ITPR2: variants seen among roughly 807,000 people sequenced by gnomAD.
The protein encoded by ITPR2 is inositol 1,4,5-trisphosphate receptor type 2.
Under a neutral mutation model 317.1 loss-of-function variants are expected in ITPR2, and 207 were observed. The ratio of observed to expected loss-of-function variants is 0.65; its 90% CI spans 0.58 to 0.73. The LOEUF is 0.73. Among genes scored for constraint, ITPR2 ranks in the 30% least tolerant of loss-of-function variants. The pLI is 0.00. For synonymous variants in ITPR2, 1,156 were observed against 1,149.1 expected (o/e 1.01, Z -0.12); for missense variants, 2,613 against 3,284.0 (o/e 0.80, Z 4.99).
At chr12:26,358,708 C>T (rs184411439) in intron 55 of ITPR2, among the ~76,000 whole-genome samples, 130 of 152,172 alleles carry the variant, frequency 8.5e-4, no homozygotes, top group Non-Finnish European at 1.2e-3. Flanking sequence ...TTAATATTTT[C>T]CTGGCATAAA....
intron 43 of ITPR2, among the ~76,000 whole-genome samples, chr12:26,480,368 A>G (rs80145840): frequency 0.056 from 8,470 of 152,272 alleles, 353 homozygotes; most frequent in Non-Finnish European, 0.085. Context: ...TATTTTGGGG[A>G]AAAACTAAAT....
chr12:26,466,740 A>G (rs1011848193), intron 45 of ITPR2, among the ~76,000 whole-genome samples: 6 of 152,232 alleles, frequency 3.9e-5, no homozygotes, highest in African/African-American at 1.4e-4. Flanking sequence ...AAGTTAAGTG[A>G]TGTAAATAGC....
intron 1 of ITPR2, among the ~76,000 whole-genome samples, chr12:26,823,141 G>A (rs1440070657): frequency 6.6e-6 from 1 of 152,080 alleles, no homozygotes; most frequent in Admixed American, 6.5e-5. Context: ...CTGTGGTACT[G>A]TTTTAATCAT....
At chr12:26,656,658 T>A in intron 18 of ITPR2, 110 bp from the exon 19 acceptor site, 1 of 1,133,756 alleles carries the variant, frequency 8.8e-7, no homozygotes, top group Non-Finnish European at 1.3e-6. Flanking sequence ...CAAGCATTCA[T>A]GATATTGGAG....
chr12:26,765,731 C>T (rs1949709359), intron 2 of ITPR2, among the ~76,000 whole-genome samples: 1 of 152,086 alleles, frequency 6.6e-6, no homozygotes, highest in East Asian at 1.9e-4. Flanking sequence ...GTTGTGCAAA[C>T]ATCTCAACTA....
chr12:26,426,927 G>A (rs1393151073), intron 49 of ITPR2, among the ~76,000 whole-genome samples: 1 of 150,866 alleles, frequency 6.6e-6, no homozygotes, highest in Admixed American at 6.6e-5. Context: ...ATAAATATTT[G>A]CTATATATTT....
chr12:26,393,092 G>A (rs1939896028), intron 54 of ITPR2, among the ~76,000 whole-genome samples: 1 of 152,182 alleles, frequency 6.6e-6, no homozygotes. Flanking sequence ...TCAAGGCTGG[G>A]AAAGTTCCAA....
intron 35 of ITPR2, 123 bp from the exon 36 acceptor site, chr12:26,556,498 C>G: frequency 1.1e-6 from 1 of 876,026 alleles, no homozygotes; most frequent in Non-Finnish European, 1.7e-6. Flanking sequence ...TCCATAGCAG[C>G]AAATGTCTGT....
chr12:26,780,991 A>T (rs1950065332), intron 2 of ITPR2, among the ~76,000 whole-genome samples: 1 of 152,248 alleles, frequency 6.6e-6, no homozygotes, highest in Non-Finnish European at 1.5e-5. Flanking sequence ...GACCCAGACT[A>T]TCAAGATGAA....
intron 13 of ITPR2, among the ~76,000 whole-genome samples, chr12:26,669,853 C>T (rs936071963): frequency 2.0e-5 from 3 of 152,252 alleles, no homozygotes; most frequent in African/African-American, 4.8e-5. Context: ...CCGAGTACTG[C>T]GCTTTTCCGA....
At chr12:26,765,766 A>C (rs1949709785) in intron 2 of ITPR2, among the ~76,000 whole-genome samples, 2 of 152,204 alleles carry the variant, frequency 1.3e-5, no homozygotes, top group Admixed American at 1.3e-4. Context: ...TTATCAATTC[A>C]AAAGGAAATC....
At chr12:26,630,283 G>A (rs1050272118) in intron 22 of ITPR2, among the ~76,000 whole-genome samples, 1 of 151,708 alleles carries the variant, frequency 6.6e-6, no homozygotes, top group African/African-American at 2.4e-5. Flanking sequence ...TCTCTAATAC[G>A]CCTAATCAGG....
chr12:26,575,010 T>A (rs1274465415), intron 34 of ITPR2, among the ~76,000 whole-genome samples: 1 of 151,288 alleles, frequency 6.6e-6, no homozygotes, highest in Admixed American at 6.6e-5. Context: ...GTCTAAACCA[T>A]ATCACAGACA....
chr12:26,580,033 G>A lies in ITPR2; in HGVS notation c.4503C>T (p.Ser1501=), dbSNP rs1225812278. 4.3e-6 allele frequency: 7 copies of A among 1,610,528 alleles called. No homozygotes were observed. Among genetic ancestry groups the A allele is most frequent in the Non-Finnish European group, 5.9e-6 (7 of 1,178,074 alleles). Residue 1501 remains serine, a synonymous_variant, in exon 33 of 57, where the codon AGC becomes AGT. Coordinates refer to ENST00000381340, the MANE Select transcript of ITPR2 (RefSeq NM_002223.4). Reference sequence around the variant, plus strand: ...TTGCAATTGTTTAACTTACCTGGAGGCTGGTACTATTGTCTGAAAAGGGAG... The same window carrying A: ...TTGCAATTGTTTAACTTACCTGGAGACTGGTACTATTGTCTGAAAAGGGAG... ...FNSPFSDNST[S]LQTHQPVFIQ...
At chr12:26,638,858 T>C (rs935085151) in intron 21 of ITPR2, among the ~76,000 whole-genome samples, 1 of 152,166 alleles carries the variant, frequency 6.6e-6, no homozygotes, top group African/African-American at 2.4e-5. Context: ...AGGTGCTACA[T>C]GCTTAGGGCC....
intron 37 of ITPR2, among the ~76,000 whole-genome samples, chr12:26,516,162 G>GGGAGA (rs1943485580): frequency 8.4e-6 from 1 of 119,758 alleles, no homozygotes; most frequent in Non-Finnish European, 1.9e-5. Flanking sequence ...AAAAGAGAAG[G>GGGAGA]GGAGAGGAGA....
intron 13 of ITPR2, among the ~76,000 whole-genome samples, chr12:26,669,720 A>G (rs903196731): frequency 2.6e-5 from 4 of 152,258 alleles, no homozygotes; most frequent in Non-Finnish European, 5.9e-5. Context: ...GCAGCGCACC[A>G]TGCGCGAGCC....
chr12:26,341,501 G>A (rs79763361), intron 55 of ITPR2, among the ~76,000 whole-genome samples: 1,622 of 152,256 alleles, frequency 0.011, 28 homozygotes, highest in African/African-American at 0.037. Context: ...CCTTGGGTTG[G>A]CTTTTTGTTG....
intron 37 of ITPR2, among the ~76,000 whole-genome samples, chr12:26,519,657 C>T (rs986052812): frequency 2.0e-5 from 3 of 152,020 alleles, no homozygotes; most frequent in Non-Finnish European, 4.4e-5. Context: ...ATGCACAAGC[C>T]AAAACAATTG....
Sources: allele counts gnomAD v4.1 joint callset (sites outside exome capture counted in the v4.1 genomes callset), GRCh38; gene constraint gnomAD v4.1.1; transcripts MANE v1.5; gene names NCBI Gene and HGNC (gene_info 2026-07-23, HGNC 2026-07-21).